The following ECH1 variants were observed in gnomAD, a reference collection of about 807,000 sequenced individuals.
ECH1 encodes enoyl-CoA hydratase 1.
In ECH1, 30 loss-of-function variants were observed where a neutral mutation model predicts 37.0. The observed-to-expected ratio is 0.81, with a 90% CI of 0.61 to 1.10. The LOEUF (loss-of-function observed/expected upper bound fraction) is 1.10, where lower values mean the gene tolerates loss of function less well. Ranked by LOEUF, ECH1 falls within the 50% of genes least tolerant of loss-of-function variation. The probability of loss-of-function intolerance (pLI) is 0.00; values close to 1 mark genes in which losing one functional copy is unlikely to be tolerated. For missense variants in ECH1, 456 were observed against 441.6 expected, an observed-to-expected ratio of 1.03 and a Z score of -0.29; for synonymous variants, 178 against 176.0, an observed-to-expected ratio of 1.01 and a Z score of -0.09.
intron 3 of ECH1, chr19:38,819,118 TAAAAA>T (rs945969499): frequency 6.1e-6 from 6 of 984,394 alleles, no homozygotes; most frequent in Non-Finnish European, 7.2e-6. Flanking sequence ...AAATAAAAAA[TAAAAA>T]GAAAAGAAAA....
intron 3 of ECH1, among the ~76,000 whole-genome samples, chr19:38,825,081 T>C (rs996646758): frequency 5.9e-5 from 9 of 152,266 alleles, no homozygotes; most frequent in Non-Finnish European, 1.5e-5. Flanking sequence ...GTCATGCTAC[T>C]GTTAGATCAA....
chr19:38,830,270 G>T (rs1971799301), intron 3 of ECH1, among the ~76,000 whole-genome samples: 1 of 152,196 alleles, frequency 6.6e-6, no homozygotes, highest in Admixed American at 6.5e-5. Context: ...TCAATCCAAA[G>T]ATCCAACTGA....
In ECH1 at chr19:38,815,595, C is replaced by T. The variant is rs1426913732; in HGVS notation, c.*18G>A. On this transcript the variant is annotated 3_prime_UTR_variant, in exon 10 of 10. Transcript: ENST00000221418. ...GACAAGGCCGGCCCCCTGGCTGGGG[C>T]CTGGGACGCGAGGGCTCTCAGAGCT... 2 of 1,613,156 alleles carry T rather than the reference C, an allele frequency of 1.2e-6. No individual in the cohort carries two copies. Among genetic ancestry groups the T allele is most frequent in the Non-Finnish European group, 1.7e-6 (2 of 1,179,484 alleles).
intron 3 of ECH1, among the ~76,000 whole-genome samples, chr19:38,824,368 G>A (rs1164429985): frequency 1.3e-5 from 2 of 152,162 alleles, no homozygotes; most frequent in Non-Finnish European, 2.9e-5. Context: ...GCAGGGTACA[G>A]GGACTGTTGC....
intron 3 of ECH1, among the ~76,000 whole-genome samples, chr19:38,821,930 C>T (rs189931455): frequency 3.9e-5 from 6 of 152,366 alleles, no homozygotes; most frequent in Admixed American, 2.0e-4. Flanking sequence ...AGCTGAGCTC[C>T]TGAGTCTAGT....
At chr19:38,817,016 C>A (rs1219565166) in intron 6 of ECH1, 49 bp downstream of exon 6, 2 of 1,549,202 alleles carry the variant, frequency 1.3e-6, no homozygotes, top group East Asian at 2.4e-5. Flanking sequence ...GGCCCCCCAA[C>A]CTCACCCCAC....
chr19:38,821,608 C>T (rs902341037), intron 3 of ECH1, among the ~76,000 whole-genome samples: 3 of 152,232 alleles, frequency 2.0e-5, no homozygotes, highest in African/African-American at 7.2e-5. Context: ...CCGGCGCCAC[C>T]TGCCCTGAGC....
rs141129400 is a variant in ECH1 at position 38,816,439 on chromosome 19, C to T, written c.659+14G>A. 3.0e-4 allele frequency: 483 copies of T among 1,614,126 alleles called. 1 individual carries two copies. The African/African-American group carries it at 5.6e-3, about 19-fold the overall frequency. The stretch of plus-strand genomic sequence containing the variant: ...GGGGTCTCCTGCCCACACCCCCACA[C>T]CCCCTGCACCCACCTCTGGTTCCCG... On this transcript the variant is annotated intron_variant, in intron 7 of 9. Coordinates refer to ENST00000221418, the MANE Select transcript of ECH1 (RefSeq NM_001398.3).
At chr19:38,826,373 G>A (rs1971738633) in intron 3 of ECH1, among the ~76,000 whole-genome samples, 1 of 152,158 alleles carries the variant, frequency 6.6e-6, no homozygotes, top group Non-Finnish European at 1.5e-5. Flanking sequence ...CCTTATCAAA[G>A]GCAATATCCC....
intron 3 of ECH1, among the ~76,000 whole-genome samples, chr19:38,822,062 AC>A (rs1472443970): frequency 2.2e-4 from 33 of 151,640 alleles, no homozygotes; most frequent in African/African-American, 7.3e-4. Flanking sequence ...GATTGTAAAT[AC>A]ACCAATCAGC....
At position 38,818,483 on chromosome 19, in the gene ECH1, T is replaced by A. The variant is rs532810365; in HGVS notation, c.350-908A>T. On this transcript the variant is annotated intron_variant, in intron 3 of 9. Transcript: ENST00000221418. The stretch of plus-strand genomic sequence containing the variant: ...ACCTTCTTGGGTCAGATCCTCTTTT[T>A]TTTTATTTTATTTTTTTTATTTCAG... 1.9e-4 allele frequency: 135 copies of A among 713,582 alleles called. No homozygotes were observed. The Admixed American group carries it at 2.6e-3, about 14-fold the overall frequency. 44.2% of individuals were successfully genotyped at this position (713,582 alleles called of 1,614,324 possible).
Position 38,817,054 on chromosome 19 carries a change from G to T in ECH1, c.588+11C>A. On this transcript the variant is annotated intron_variant, in intron 6 of 9. Coordinates refer to ENST00000221418, the MANE Select transcript of ECH1 (RefSeq NM_001398.3). ...CCCAGCTCTAAGCAGGAGCTCGGGAGGATGACTCACCTTCACCTGGAAGAA... is the reference window on the plus strand; with the variant it reads ...CCCAGCTCTAAGCAGGAGCTCGGGATGATGACTCACCTTCACCTGGAAGAA... The T allele has an allele frequency of 6.4e-7, 1 of 1,565,066 alleles. No individual in the cohort carries two copies. The highest frequency in any genetic ancestry group is 2.4e-5 in the East Asian group (1 of 41,594).
intron 3 of ECH1, among the ~76,000 whole-genome samples, chr19:38,828,507 C>A (rs529535159): frequency 6.6e-6 from 1 of 152,286 alleles, no homozygotes; most frequent in South Asian, 2.1e-4. Flanking sequence ...GCTGGGATTA[C>A]AGGCATGAGC....
intron 3 of ECH1, chr19:38,820,096 T>C (rs1458803566): frequency 3.8e-6 from 2 of 528,008 alleles, no homozygotes; most frequent in Non-Finnish European, 4.6e-6. Flanking sequence ...AGTCTCACTC[T>C]ATCGCCCAGG....
At chr19:38,827,510 C>T (rs1971756845) in intron 3 of ECH1, among the ~76,000 whole-genome samples, 2 of 152,064 alleles carry the variant, frequency 1.3e-5, no homozygotes, top group South Asian at 2.1e-4. Flanking sequence ...TGAGGGCAGA[C>T]TGAAATTGTG....
intron 3 of ECH1, among the ~76,000 whole-genome samples, chr19:38,830,157 C>T (rs1395799438): frequency 6.6e-6 from 1 of 152,136 alleles, no homozygotes; most frequent in Non-Finnish European, 1.5e-5. Flanking sequence ...CAAAATAAAA[C>T]AAAATAAATC....
chr19:38,816,449 C>T lies in ECH1; in HGVS notation c.659+4G>A, dbSNP rs750707027. ...GCCCACACCCCCACACCCCCTGCAC[C>T]CACCTCTGGTTCCCGATGACCTTGG... On this transcript the variant is annotated splice_donor_region_variant and intron_variant, in intron 7 of 9. Coordinates refer to ENST00000221418, the MANE Select transcript of ECH1 (RefSeq NM_001398.3). 4 of 1,614,136 alleles carry T rather than the reference C, an allele frequency of 2.5e-6. No homozygotes were observed. Among genetic ancestry groups the T allele is most frequent in the Non-Finnish European group, 2.5e-6 (3 of 1,180,000 alleles).
At position 38,817,478 on chromosome 19, in the gene ECH1, G is replaced by A; in HGVS notation, c.447C>T (p.Tyr149=). Residue 149 remains tyrosine (Y), a synonymous_variant, in exon 4 of 10, where the codon TAC becomes TAT. Coordinates refer to ENST00000221418, the MANE Select transcript of ECH1 (RefSeq NM_001398.3). ...TCTCGATGACGTTGAAGGTCTCCTG[G>A]TATCGAGTGATGATGTCACGGAGGT... ...SWYLRDIITR[Y]QETFNVIERC... is the part of the protein sequence containing the mutation. 6.2e-7 allele frequency: 1 copy of A among 1,613,918 alleles called. No homozygotes were observed.
In ECH1 at chr19:38,831,279, A is replaced by T. The variant is rs149339718; in HGVS notation, c.260+30T>A. On this transcript the variant is annotated intron_variant, in intron 2 of 9. Coordinates refer to ENST00000221418, the MANE Select transcript of ECH1 (RefSeq NM_001398.3). Reference sequence around the variant, plus strand: ...GTCCCGCAGCCCCGCCTCCCCCCGCAGGCAGGCCTCCAGGATCTGCAGGTC... The same window carrying T: ...GTCCCGCAGCCCCGCCTCCCCCCGCTGGCAGGCCTCCAGGATCTGCAGGTC... 1.6e-3 allele frequency: 2,498 copies of T among 1,606,664 alleles called. 38 individuals are homozygous for T. In the African/African-American group the frequency reaches 0.031, roughly 20 times the overall value.
Sources: allele counts gnomAD v4.1 joint callset (sites outside exome capture counted in the v4.1 genomes callset), GRCh38; gene constraint gnomAD v4.1.1; transcripts MANE v1.5; gene names NCBI Gene and HGNC (gene_info 2026-07-23, HGNC 2026-07-21).